The following ASB15 variants were observed in gnomAD, a reference collection of about 807,000 sequenced individuals.
ASB15 encodes the protein ankyrin repeat and SOCS box protein 15.
In ASB15, 54 loss-of-function variants were observed where a neutral mutation model predicts 58.0. The ratio of observed to expected loss-of-function variants is 0.93; its 90% confidence interval spans 0.75 to 1.17. The LOEUF is 1.17. Among genes scored for constraint, ASB15 ranks in the 50% most tolerant of loss-of-function variants. The pLI is 0.00. For synonymous variants in ASB15, 249 were observed against 262.4 expected (o/e 0.95, Z 0.50); for missense variants, 680 against 707.4 (o/e 0.96, Z 0.44).
In ASB15 at chr7:123,614,534, A is replaced by G; in HGVS notation, c.32A>G (p.His11Arg). MDTNDDPDED[H>R]LTSYDIQLSI... is the part of the protein sequence containing the mutation. ...ACTAATGATGACCCTGATGAAGACCATCTTACAAGTTATGATATTCAGCTA... is the reference window on the plus strand; with the variant it reads ...ACTAATGATGACCCTGATGAAGACCGTCTTACAAGTTATGATATTCAGCTA... The change falls in exon 4 of 12, where the codon CAT becomes CGT. Residue 11 changes from histidine (H) to arginine (R), a missense_variant. His to Arg is a conservative substitution (Grantham distance 29). Coordinates refer to ENST00000451215, the MANE Select transcript of ASB15 (RefSeq NM_001290258.2). 6.2e-7 allele frequency: 1 copy of G among 1,609,588 alleles called. No homozygotes were observed. The highest frequency in any genetic ancestry group is 8.5e-7 in the Non-Finnish European group (1 of 1,176,182).
intron 3 of ASB15, among the ~76,000 whole-genome samples, chr7:123,611,043 G>A (rs917151829): frequency 1.5e-4 from 19 of 127,050 alleles, no homozygotes; most frequent in African/African-American, 3.9e-4. Context: ...AGATTGTGCC[G>A]TTTCACTCCA....
At chr7:123,633,885 C>G (rs1346380442) in intron 11 of ASB15, among the ~76,000 whole-genome samples, 1 of 152,190 alleles carries the variant, frequency 6.6e-6, no homozygotes, top group Admixed American at 6.5e-5. Context: ...TGAAAGACTA[C>G]ATGATTCATG....
At position 123,612,751 on chromosome 7, in the gene ASB15, G is replaced by A. The variant is rs189792242; in HGVS notation, c.-2-1750G>A. Among the ~76,000 whole-genome samples, 24 of 152,212 alleles carry A rather than the reference G, an allele frequency of 1.6e-4. No homozygotes were observed. The East Asian group carries it at 4.1e-3, about 26-fold the overall frequency. ...CAGTTCTAAGAACAAAGAAGAGCCC[G>A]AATTATATTTCAATGCTCACTTATT... is the stretch of plus-strand genomic sequence containing the variant. On this transcript the variant is annotated intron_variant, in intron 3 of 11. Coordinates refer to ENST00000451215, the MANE Select transcript of ASB15 (RefSeq NM_001290258.2).
intron 9 of ASB15, among the ~76,000 whole-genome samples, chr7:123,627,568 T>C (rs1374870944): frequency 1.3e-5 from 2 of 152,332 alleles, no homozygotes; most frequent in Middle Eastern, 3.4e-3. Context: ...CACTCAAGAG[T>C]GCCTTTCTGT....
In ASB15 at chr7:123,620,507, CATATATATATAT is replaced by C. The variant is rs1395766241; in HGVS notation, c.451+2807_451+2818del. Among the ~76,000 whole-genome samples, 269 of 29,598 alleles carry C rather than the reference CATATATATATAT, an allele frequency of 9.1e-3. 4 individuals are homozygous for C. The highest frequency in any genetic ancestry group is 0.03 in the African/African-American group (195 of 6,586). The allele number at this position is 29,598 out of a possible 152,430, so 19.4% of individuals were successfully genotyped here. ...ACTAGTAATGTGACACATATACATA[CATATATATATAT>C]ATATATATATATATATATATATATA... On this transcript the variant is annotated intron_variant, in intron 7 of 11. Transcript: ENST00000451215.
At chr7:123,572,298 T>C (rs1022292435) in intron 1 of ASB15, among the ~76,000 whole-genome samples, 2 of 151,486 alleles carry the variant, frequency 1.3e-5, no homozygotes, top group Non-Finnish European at 2.9e-5. Context: ...CGCGCCACCA[T>C]GCCCGCTTAA....
chr7:123,599,654 C>G (rs1207706365), upstream of ASB15, among the ~76,000 whole-genome samples: 30 of 152,128 alleles, frequency 2.0e-4, no homozygotes, highest in Non-Finnish European at 1.0e-4. Context: ...ATAGGTGGGT[C>G]CAAGGACAGT....
chr7:123,604,832 A>G (rs2116433723), intron 2 of ASB15, among the ~76,000 whole-genome samples: 2 of 152,282 alleles, frequency 1.3e-5, no homozygotes, highest in South Asian at 4.1e-4. Context: ...AAACTTTCAA[A>G]AAGTACTAGA....
chr7:123,625,641 C>T (rs1383359743), intron 8 of ASB15, among the ~76,000 whole-genome samples: 1 of 152,108 alleles, frequency 6.6e-6, no homozygotes, highest in African/African-American at 2.4e-5. Context: ...TAATTCTTTC[C>T]AACAGATTGT....
At position 123,629,078 on chromosome 7, in the gene ASB15, G is replaced by T. The variant is rs758601099; in HGVS notation, c.1084G>T (p.Asp362Tyr). 2.5e-6 allele frequency: 4 copies of T among 1,613,522 alleles called. No individual in the cohort carries two copies. The Admixed American group carries it at 6.7e-5, about 27-fold the overall frequency. Residue 362 changes from aspartate (D) to tyrosine (Y), a missense_variant, in exon 10 of 12, where the codon GAC (aspartate) becomes TAC (tyrosine). Coordinates refer to ENST00000451215, the MANE Select transcript of ASB15 (RefSeq NM_001290258.2). ...GCTGTATTTTGGCGTTTCTAATAAT[G>T]ACGTTCATTGCACAGAAGTCCTTCT... ...TALYFGVSNN[D>Y]VHCTEVLLAA... is the part of the protein sequence containing the mutation.
chr7:123,636,301 A>G (rs916904757), intron 11 of ASB15, among the ~76,000 whole-genome samples: 3 of 152,200 alleles, frequency 2.0e-5, no homozygotes, highest in African/African-American at 7.2e-5. Flanking sequence ...AAATAATGTT[A>G]GTATATTTTT....
intron 7 of ASB15, among the ~76,000 whole-genome samples, chr7:123,620,523 TATATATATATATATATATATATATATA>T (rs1801188489): frequency 4.4e-4 from 6 of 13,500 alleles, no homozygotes; most frequent in South Asian, 2.1e-3. Context: ...TATATATATA[TATATATATATATATATATATATATATA>T]TATATTTTTT....
At chr7:123,592,743 G>A (rs1404252523) in intron 1 of ASB15, among the ~76,000 whole-genome samples, 1 of 152,216 alleles carries the variant, frequency 6.6e-6, no homozygotes, top group Non-Finnish European at 1.5e-5. Flanking sequence ...ATGTGGTGCT[G>A]AGAAGAATGT....
At chr7:123,607,473 A>C (rs1562924179) in intron 2 of ASB15, among the ~76,000 whole-genome samples, 1 of 152,006 alleles carries the variant, frequency 6.6e-6, no homozygotes, top group Admixed American at 6.6e-5. Flanking sequence ...ATCTCTGATT[A>C]TTTCTTTTAT....
intron 1 of ASB15, among the ~76,000 whole-genome samples, chr7:123,569,591 G>C (rs1156477353): frequency 1.3e-5 from 2 of 152,224 alleles, no homozygotes; most frequent in Non-Finnish European, 2.9e-5. Flanking sequence ...TCAGCCCCTA[G>C]GGGAAGGGGA....
intron 11 of ASB15, among the ~76,000 whole-genome samples, chr7:123,634,209 C>T (rs555124534): frequency 2.6e-5 from 4 of 152,212 alleles, no homozygotes; most frequent in East Asian, 1.9e-4. Flanking sequence ...CAGCCACCCC[C>T]CCGACAGGCC....
intron 8 of ASB15, 66 bp downstream of exon 8, chr7:123,624,880 CAT>C (rs1801670405): frequency 6.7e-7 from 1 of 1,502,926 alleles, no homozygotes; most frequent in Non-Finnish European, 9.0e-7. Flanking sequence ...TTTCTCCATT[CAT>C]CACTCTTCCT....
At chr7:123,617,195 G>A (rs910121587) in intron 6 of ASB15, among the ~76,000 whole-genome samples, 3 of 152,202 alleles carry the variant, frequency 2.0e-5, no homozygotes, top group Admixed American at 2.0e-4. Context: ...TTTTGACACA[G>A]CGATACCTAC....
intron 1 of ASB15, among the ~76,000 whole-genome samples, chr7:123,577,582 T>C (rs565355703): frequency 6.6e-6 from 1 of 152,288 alleles, no homozygotes; most frequent in African/African-American, 2.4e-5. Context: ...GCCAGAATTC[T>C]CTTCTTCTCA....
Sources: allele counts gnomAD v4.1 joint callset (sites outside exome capture counted in the v4.1 genomes callset), GRCh38; gene constraint gnomAD v4.1.1; transcripts MANE v1.5; gene names NCBI Gene and HGNC (gene_info 2026-07-23, HGNC 2026-07-21).